Variants in RELN observed in about 807,000 individuals in gnomAD.
The protein encoded by RELN is reelin.
In RELN, 108 loss-of-function variants were observed where a neutral mutation model predicts 427.6. The observed-to-expected ratio is 0.25, with a 90% CI of 0.22 to 0.30. The LOEUF (loss-of-function observed/expected upper bound fraction) is 0.30. Among genes scored for constraint, RELN ranks in the 10% least tolerant of loss-of-function variants. RELN has a pLI of 1.00. For missense variants in RELN, 3,715 were observed against 4,302.8 expected (o/e 0.86, Z 3.82); for synonymous variants, 1,524 against 1,513.4 (o/e 1.01, Z -0.16).
chr7:103,588,487 G>A (rs1457499477), intron 28 of RELN, among the ~76,000 whole-genome samples: 1 of 152,042 alleles, frequency 6.6e-6, no homozygotes, highest in African/African-American at 2.4e-5. Context: ...AGCAGAGAAG[G>A]GTGACTATAC....
At chr7:103,739,926 C>T (rs1790599371) in intron 6 of RELN, among the ~76,000 whole-genome samples, 1 of 152,184 alleles carries the variant, frequency 6.6e-6, no homozygotes, top group Non-Finnish European at 1.5e-5. Context: ...TGCCCTCAGG[C>T]TGGGCTCAAA....
At chr7:103,884,792 G>A (rs1438935568) in intron 2 of RELN, among the ~76,000 whole-genome samples, 4 of 152,314 alleles carry the variant, frequency 2.6e-5, no homozygotes, top group Admixed American at 6.5e-5. Context: ...AACAGGTGCT[G>A]GAGAGGATGT....
intron 2 of RELN, among the ~76,000 whole-genome samples, chr7:103,896,906 G>C (rs560146581): frequency 2.2e-4 from 34 of 152,120 alleles, no homozygotes; most frequent in African/African-American, 8.2e-4. Context: ...ACATACCTGA[G>C]ACTGCATAAC....
At chr7:103,942,009 A>G (rs1796125317) in intron 1 of RELN, among the ~76,000 whole-genome samples, 1 of 151,818 alleles carries the variant, frequency 6.6e-6, no homozygotes, top group Non-Finnish European at 1.5e-5. Flanking sequence ...GCATAGTTTT[A>G]AGAATTAAAA....
intron 2 of RELN, among the ~76,000 whole-genome samples, chr7:103,891,466 C>G (rs1794847662): frequency 6.6e-6 from 1 of 152,150 alleles, no homozygotes; most frequent in African/African-American, 2.4e-5. Context: ...ATTCTCCCGT[C>G]TAGCATAACC....
intron 2 of RELN, among the ~76,000 whole-genome samples, chr7:103,877,584 G>A (rs1393740519): frequency 8.6e-5 from 13 of 151,778 alleles, no homozygotes; most frequent in African/African-American, 1.2e-4. Flanking sequence ...TGACCTTCTC[G>A]ATTCAATTCT....
At chr7:103,807,052 C>G (rs1792617504) in intron 3 of RELN, among the ~76,000 whole-genome samples, 1 of 152,108 alleles carries the variant, frequency 6.6e-6, no homozygotes, top group African/African-American at 2.4e-5. Flanking sequence ...ACAGGAAGAT[C>G]CTAATCTGAA....
intron 3 of RELN, among the ~76,000 whole-genome samples, chr7:103,812,447 A>C (rs1792766475): frequency 6.6e-6 from 1 of 152,224 alleles, no homozygotes; most frequent in African/African-American, 2.4e-5. Flanking sequence ...TCCCAGGTGA[A>C]CAATGGGCAA....
At chr7:103,525,669 G>A (rs926408538) in intron 46 of RELN, among the ~76,000 whole-genome samples, 38 of 151,354 alleles carry the variant, frequency 2.5e-4, no homozygotes, top group Non-Finnish European at 4.3e-4. Flanking sequence ...ATAATTACTC[G>A]GAGCCAACAT....
intron 2 of RELN, among the ~76,000 whole-genome samples, chr7:103,894,813 C>A (rs1466358300): frequency 6.6e-6 from 1 of 152,072 alleles, no homozygotes; most frequent in African/African-American, 2.4e-5. Flanking sequence ...ATGTAAGCAG[C>A]AGATAAGCAA....
intron 51 of RELN, among the ~76,000 whole-genome samples, chr7:103,506,012 GAAAT>G (rs1474196267): frequency 6.6e-6 from 1 of 152,142 alleles, no homozygotes; most frequent in East Asian, 1.9e-4. Flanking sequence ...TCAAATCAAT[GAAAT>G]AAAGTGGGAA....
intron 2 of RELN, among the ~76,000 whole-genome samples, chr7:103,903,436 T>C (rs1175313568): frequency 6.6e-6 from 1 of 152,172 alleles, no homozygotes; most frequent in African/African-American, 2.4e-5. Context: ...GACCTCCTGC[T>C]GTGTTCCTGT....
chr7:103,820,362 T>C (rs1341766559), intron 3 of RELN, among the ~76,000 whole-genome samples: 1 of 152,062 alleles, frequency 6.6e-6, no homozygotes, highest in African/African-American at 2.4e-5. Context: ...ACACACAAAT[T>C]CATTCCATGC....
chr7:103,737,413 T>C (rs1790521842), intron 6 of RELN, among the ~76,000 whole-genome samples: 1 of 152,238 alleles, frequency 6.6e-6, no homozygotes, highest in Non-Finnish European at 1.5e-5. Flanking sequence ...CCACTTATAT[T>C]GTAGTTCTCA....
At chr7:103,521,669 T>A (rs1389147922) in intron 48 of RELN, among the ~76,000 whole-genome samples, 1 of 152,242 alleles carries the variant, frequency 6.6e-6, no homozygotes, top group Non-Finnish European at 1.5e-5. Context: ...TACATTCTTT[T>A]GTAATATGTA....
intron 21 of RELN, 109 bp from the exon 22 acceptor site, chr7:103,610,916 A>C: frequency 1.4e-6 from 1 of 722,784 alleles, no homozygotes; most frequent in Non-Finnish European, 2.6e-6. Flanking sequence ...CTAATGTCAT[A>C]ATCTTAACTA....
intron 20 of RELN, among the ~76,000 whole-genome samples, chr7:103,619,022 GC>G (rs1832150141): frequency 6.6e-6 from 1 of 152,050 alleles, no homozygotes; most frequent in Non-Finnish European, 1.5e-5. Context: ...GGAGGCTGAG[GC>G]AGGAGAATGG....
rs1364193123 is a variant in RELN at position 103,989,263 on chromosome 7, G to A, written c.94C>T (p.Arg32Cys). ...RARAAAGYYP[R>C]FSPFFFLCTH... Reference sequence around the variant, plus strand: ...CACAGGAAAAAGAAGGGCGAAAAGCGGGGGTAATAGCCAGCCGCCGCGCGC... The same window carrying A: ...CACAGGAAAAAGAAGGGCGAAAAGCAGGGGTAATAGCCAGCCGCCGCGCGC... The change falls in exon 1 of 65, where the codon CGC becomes TGC. Residue 32 changes from arginine (R) to cysteine (C), a missense_variant. Physicochemically the swap from Arg to Cys is radical, Grantham distance 180. Coordinates refer to ENST00000428762, the MANE Select transcript of RELN (RefSeq NM_005045.4). This position sits in a 1 kb window ranked among gnomAD's most constrained non-coding sequence, Gnocchi z 4.9. 3 of 1,613,810 alleles carry A rather than the reference G, an allele frequency of 1.9e-6. No individual in the cohort carries two copies. The highest frequency in any genetic ancestry group is 2.5e-6 in the Non-Finnish European group (3 of 1,179,962).
intron 10 of RELN, among the ~76,000 whole-genome samples, chr7:103,683,711 T>C (rs751676452): frequency 2.0e-5 from 3 of 152,200 alleles, no homozygotes; most frequent in Non-Finnish European, 4.4e-5. Flanking sequence ...AAGCGACTTT[T>C]GGGTGTGGAG....
Sources: allele counts gnomAD v4.1 joint callset (sites outside exome capture counted in the v4.1 genomes callset), GRCh38; gene constraint gnomAD v4.1.1; non-coding constraint Gnocchi (gnomAD v3.1); transcripts MANE v1.5; gene names NCBI Gene and HGNC (gene_info 2026-07-23, HGNC 2026-07-21).